The following RGS6 variants were observed in gnomAD, a reference collection of about 807,000 sequenced individuals.
The protein encoded by RGS6 is regulator of G protein signaling 6.
A neutral mutation model predicts 78.5 loss-of-function variants in RGS6; 30 were observed. That is an observed-to-expected ratio of 0.38 (90% CI 0.29 to 0.52). RGS6 has a LOEUF of 0.52. RGS6 is among the 20% of genes least tolerant of loss of function. The pLI, the probability that RGS6 is intolerant of heterozygous loss-of-function variation, is 0.85. For missense variants in RGS6, 495 were observed against 609.7 expected, an observed-to-expected ratio of 0.81 and a Z score of 1.98; for synonymous variants, 206 against 206.0, an observed-to-expected ratio of 1.00 and a Z score of 0.00.
intron 2 of RGS6, among the ~76,000 whole-genome samples, chr14:71,973,935 T>C (rs2093964184): frequency 6.6e-6 from 1 of 152,162 alleles, no homozygotes; most frequent in Admixed American, 6.5e-5. Flanking sequence ...AAAGGGATGG[T>C]ATTTTTAGTG....
chr14:72,542,105 T>TA (rs112627690), intron 17 of RGS6, among the ~76,000 whole-genome samples: 26 of 146,364 alleles, frequency 1.8e-4, no homozygotes, highest in African/African-American at 4.4e-4. Context: ...CCCAAACTAT[T>TA]AAAAAAAACT....
chr14:72,338,793 T>A (rs933354977), intron 2 of RGS6, among the ~76,000 whole-genome samples: 2 of 152,168 alleles, frequency 1.3e-5, no homozygotes, highest in African/African-American at 2.4e-5. Context: ...ATCACATGCT[T>A]CTGAAGGGAG....
At chr14:72,542,438 T>C (rs1464972924) in intron 17 of RGS6, among the ~76,000 whole-genome samples, 1 of 152,260 alleles carries the variant, frequency 6.6e-6, no homozygotes, top group Non-Finnish European at 1.5e-5. Context: ...CTAAAGTATT[T>C]GATTTCTCTA....
At chr14:72,542,886 G>T (rs150959798) in intron 17 of RGS6, among the ~76,000 whole-genome samples, 86 of 152,278 alleles carry the variant, frequency 5.6e-4, no homozygotes, top group African/African-American at 1.9e-3. Context: ...TTTTCCATGA[G>T]ATCCTAAGGA....
chr14:72,246,764 G>A (rs1284147861), intron 2 of RGS6, among the ~76,000 whole-genome samples: 1 of 152,092 alleles, frequency 6.6e-6, no homozygotes, highest in Non-Finnish European at 1.5e-5. Context: ...ACAAAACTTA[G>A]CTGGGCATGG....
At chr14:72,536,673 T>A (rs2097255117) in intron 16 of RGS6, among the ~76,000 whole-genome samples, 1 of 152,058 alleles carries the variant, frequency 6.6e-6, no homozygotes, top group African/African-American at 2.4e-5. Context: ...CAGACTTCTC[T>A]CCCTGACCAG....
At chr14:72,455,777 G>C (rs7159438) in intron 4 of RGS6, among the ~76,000 whole-genome samples, 69,262 of 152,046 alleles carry the variant, frequency 0.46, 16,628 homozygotes, top group East Asian at 0.77. Context: ...CTGAGTGTCC[G>C]CTTGGAAAGC....
chr14:72,096,448 AATTGG>A (rs1427792456), intron 2 of RGS6, among the ~76,000 whole-genome samples: 1 of 152,112 alleles, frequency 6.6e-6, no homozygotes, highest in Non-Finnish European at 1.5e-5. Flanking sequence ...ACAAAACCTC[AATTGG>A]GCTACAAATG....
At chr14:72,229,057 C>T (rs767222049) in intron 2 of RGS6, among the ~76,000 whole-genome samples, 1 of 144,100 alleles carries the variant, frequency 6.9e-6, no homozygotes, top group Non-Finnish European at 1.5e-5. Context: ...CTCCTTGTTT[C>T]TGTCTTCCCT....
At chr14:71,938,981 C>T (rs1949742482) in intron 1 of RGS6, among the ~76,000 whole-genome samples, 1 of 152,208 alleles carries the variant, frequency 6.6e-6, no homozygotes, top group African/African-American at 2.4e-5. Flanking sequence ...CCACTGACAA[C>T]TCAAGCACCA....
chr14:71,991,492 A>G (rs182675578), intron 2 of RGS6, among the ~76,000 whole-genome samples: 4 of 152,292 alleles, frequency 2.6e-5, no homozygotes, highest in Admixed American at 6.5e-5. Flanking sequence ...CTCAATTAAA[A>G]CAGGTTATTT....
chr14:72,486,578 G>C (rs955872523), intron 12 of RGS6, among the ~76,000 whole-genome samples: 2 of 152,010 alleles, frequency 1.3e-5, no homozygotes, highest in African/African-American at 4.8e-5. Flanking sequence ...CCAGCATAAG[G>C]GTCAACCCTT....
chr14:72,219,349 T>A (rs2046338726), intron 2 of RGS6, among the ~76,000 whole-genome samples: 1 of 152,130 alleles, frequency 6.6e-6, no homozygotes, highest in Non-Finnish European at 1.5e-5. Flanking sequence ...ATAATAAGGA[T>A]TGACTGTATA....
intron 2 of RGS6, among the ~76,000 whole-genome samples, chr14:72,117,498 C>A (rs2095926712): frequency 6.6e-6 from 1 of 152,098 alleles, no homozygotes; most frequent in African/African-American, 2.4e-5. Flanking sequence ...GATATTGGCA[C>A]CGTGCTTTGT....
intron 2 of RGS6, among the ~76,000 whole-genome samples, chr14:72,312,014 C>T (rs969058546): frequency 2.0e-5 from 3 of 152,096 alleles, no homozygotes; most frequent in Non-Finnish European, 2.9e-5. Flanking sequence ...TTCTGGTAAT[C>T]AGAAAAAGAA....
intron 3 of RGS6, among the ~76,000 whole-genome samples, chr14:72,358,881 C>T (rs757971549): frequency 5.9e-5 from 9 of 152,110 alleles, no homozygotes; most frequent in Non-Finnish European, 1.2e-4. Flanking sequence ...ATGTCCCCAC[C>T]CAAATCTCAT....
At chr14:72,363,335 C>G (rs1418230535) in intron 3 of RGS6, among the ~76,000 whole-genome samples, 1 of 152,206 alleles carries the variant, frequency 6.6e-6, no homozygotes, top group Non-Finnish European at 1.5e-5. Flanking sequence ...AGAAATAAGG[C>G]CATATTAACG....
At chr14:72,623,786 T>A in the RGS6 span, among the ~76,000 whole-genome samples, 1 of 152,190 alleles carries the variant, frequency 6.6e-6, no homozygotes, top group Non-Finnish European at 1.5e-5. Context: ...AAACAATGAC[T>A]AACAGCAAAA....
chr14:72,525,489 C>T (rs778181808), intron 15 of RGS6, among the ~76,000 whole-genome samples: 8 of 152,142 alleles, frequency 5.3e-5, no homozygotes, highest in Admixed American at 2.0e-4. Context: ...AGAAAGATAC[C>T]GTCAAGTCCA....
Sources: allele counts gnomAD v4.1 joint callset (sites outside exome capture counted in the v4.1 genomes callset), GRCh38; gene constraint gnomAD v4.1.1; transcripts MANE v1.5; gene names NCBI Gene and HGNC (gene_info 2026-07-23, HGNC 2026-07-21).